Variants in MSI2 observed in about 807,000 individuals in gnomAD.
The protein encoded by MSI2 is RNA-binding protein Musashi homolog 2.
Under a neutral mutation model 45.6 loss-of-function variants are expected in MSI2, and 17 were observed. The observed-to-expected ratio is 0.37, with a 90% CI of 0.26 to 0.56. The LOEUF (loss-of-function observed/expected upper bound fraction) is 0.56. MSI2 is among the 20% of genes least tolerant of loss of function. The probability of loss-of-function intolerance (pLI) is 0.77; values close to 1 mark genes in which losing one functional copy is unlikely to be tolerated. For synonymous variants in MSI2, 156 were observed against 158.2 expected, an observed-to-expected ratio of 0.99 and a Z score of 0.11; for missense variants, 293 against 444.2, an observed-to-expected ratio of 0.66 and a Z score of 3.06.
At chr17:57,525,368 T>C (rs1481060188) in intron 6 of MSI2, among the ~76,000 whole-genome samples, 1 of 152,170 alleles carries the variant, frequency 6.6e-6, no homozygotes, top group African/African-American at 2.4e-5. Flanking sequence ...CACTACAGCC[T>C]CAACCTCCCA....
chr17:57,559,145 A>C (rs2087513292), intron 7 of MSI2, among the ~76,000 whole-genome samples: 1 of 152,196 alleles, frequency 6.6e-6, no homozygotes, highest in South Asian at 2.1e-4. Flanking sequence ...CAAAAGCAGC[A>C]TTACCTACAC....
intron 6 of MSI2, among the ~76,000 whole-genome samples, chr17:57,521,249 T>C (rs62058093): frequency 0.061 from 9,310 of 152,188 alleles, 333 homozygotes; most frequent in Admixed American, 0.1. Flanking sequence ...AGGCTGAGGC[T>C]TGGACTCAAA....
At chr17:57,409,812 GC>G (rs2084156520) in intron 6 of MSI2, among the ~76,000 whole-genome samples, 2 of 152,014 alleles carry the variant, frequency 1.3e-5, no homozygotes, top group South Asian at 4.2e-4. Flanking sequence ...TTCGAGACCA[GC>G]CTGGCCAACA....
At chr17:57,348,172 C>G (rs1208281236) in intron 5 of MSI2, among the ~76,000 whole-genome samples, 3 of 152,204 alleles carry the variant, frequency 2.0e-5, no homozygotes, top group Non-Finnish European at 4.4e-5. Context: ...GTACAAGTTG[C>G]TTGTGATACA....
rs1385278442 is a variant in MSI2, at chr17:57,681,055, A to G, written c.*1538A>G. 5.4e-6 allele frequency: 1 copy of G among 185,290 alleles called. No individual in the cohort carries two copies. Among genetic ancestry groups the G allele is most frequent in the Non-Finnish European group, 1.1e-5 (1 of 87,546 alleles). 11.5% of individuals were successfully genotyped at this position (185,290 alleles called of 1,614,324 possible). ...GCAAGTATCACCAGAGAGGCTATGG[A>G]AGAATTTTTTTTTAATTTATTGTAG... is the stretch of plus-strand genomic sequence containing the variant. On this transcript the variant is annotated 3_prime_UTR_variant, in exon 14 of 14. Transcript: ENST00000284073.
intron 10 of MSI2, among the ~76,000 whole-genome samples, chr17:57,638,978 G>C (rs374079561): frequency 3.9e-5 from 6 of 152,166 alleles, no homozygotes; most frequent in African/African-American, 1.4e-4. Flanking sequence ...CCAGCAGATT[G>C]GACATCTGGT....
intron 5 of MSI2, among the ~76,000 whole-genome samples, chr17:57,346,395 G>A (rs889540205): frequency 2.0e-5 from 3 of 151,832 alleles, no homozygotes; most frequent in East Asian, 1.9e-4. Context: ...TAAACCCATG[G>A]AATTCATTGA....
intron 6 of MSI2, among the ~76,000 whole-genome samples, chr17:57,457,170 C>G (rs997218126): frequency 6.6e-6 from 1 of 152,178 alleles, no homozygotes; most frequent in Non-Finnish European, 1.5e-5. Flanking sequence ...CTAATAACTC[C>G]TATCACTTCA....
chr17:57,495,448 A>G (rs1023798993), intron 6 of MSI2, among the ~76,000 whole-genome samples: 39 of 143,442 alleles, frequency 2.7e-4, no homozygotes. Context: ...CAGGAGAATC[A>G]CTTGAACCCA....
chr17:57,651,734 A>G (rs1375426280), intron 10 of MSI2, among the ~76,000 whole-genome samples: 2 of 152,238 alleles, frequency 1.3e-5, no homozygotes, highest in Non-Finnish European at 2.9e-5. Context: ...CAGCCCAGCC[A>G]TGCTCAGTTC....
At chr17:57,434,997 C>T (rs2084665557) in intron 6 of MSI2, among the ~76,000 whole-genome samples, 1 of 152,140 alleles carries the variant, frequency 6.6e-6, no homozygotes, top group East Asian at 1.9e-4. Flanking sequence ...GGAAAACACT[C>T]AGATGGCAAG....
At chr17:57,688,007 G>A (rs1330515240), downstream of MSI2, among the ~76,000 whole-genome samples, 1 of 152,042 alleles carries the variant, frequency 6.6e-6, no homozygotes, top group Non-Finnish European at 1.5e-5. Flanking sequence ...GAAAAATATG[G>A]CAGCTCTTTC....
intron 5 of MSI2, among the ~76,000 whole-genome samples, chr17:57,277,677 C>T (rs953305102): frequency 6.6e-6 from 1 of 152,184 alleles, no homozygotes; most frequent in African/African-American, 2.4e-5. Context: ...GGGGAGTTCA[C>T]TTAACTTTGT....
intron 7 of MSI2, among the ~76,000 whole-genome samples, chr17:57,576,556 G>T (rs893559512): frequency 1.3e-5 from 2 of 152,086 alleles, no homozygotes; most frequent in Non-Finnish European, 1.5e-5. Context: ...AGGCGTTTGA[G>T]ACCACCCTGG....
intron 6 of MSI2, among the ~76,000 whole-genome samples, chr17:57,482,520 T>C (rs2085667899): frequency 6.6e-6 from 1 of 152,224 alleles, no homozygotes; most frequent in African/African-American, 2.4e-5. Flanking sequence ...TTCGTGTACA[T>C]GGCGTGGAAG....
At chr17:57,463,267 G>C (rs1941176217) in intron 6 of MSI2, among the ~76,000 whole-genome samples, 1 of 152,198 alleles carries the variant, frequency 6.6e-6, no homozygotes, top group Admixed American at 6.5e-5. Context: ...ATGTAGGAGT[G>C]GGGGTGGTGG....
At chr17:57,559,621 G>A (rs2087524949) in intron 7 of MSI2, among the ~76,000 whole-genome samples, 1 of 152,238 alleles carries the variant, frequency 6.6e-6, no homozygotes, top group Admixed American at 6.5e-5. Flanking sequence ...TGGGGTGAGG[G>A]AAAGTGAGGG....
At chr17:57,394,569 A>G (rs2083855550) in intron 5 of MSI2, among the ~76,000 whole-genome samples, 1 of 152,262 alleles carries the variant, frequency 6.6e-6, no homozygotes, top group Non-Finnish European at 1.5e-5. Flanking sequence ...GCCCTTGCGT[A>G]AACTCTGGCC....
At chr17:57,346,376 A>G (rs1915614017) in intron 5 of MSI2, among the ~76,000 whole-genome samples, 1 of 150,832 alleles carries the variant, frequency 6.6e-6, no homozygotes, top group Non-Finnish European at 1.5e-5. Context: ...TTTTTTCTTA[A>G]TGAAGATGTA....
Sources: allele counts gnomAD v4.1 joint callset (sites outside exome capture counted in the v4.1 genomes callset), GRCh38; gene constraint gnomAD v4.1.1; transcripts MANE v1.5; gene names NCBI Gene and HGNC (gene_info 2026-07-23, HGNC 2026-07-21).